The following MTUS2 variants were observed in gnomAD, a reference collection of about 807,000 sequenced individuals.
The protein encoded by MTUS2 is microtubule-associated tumor suppressor candidate 2.
MTUS2 carries 40 observed loss-of-function variants against 114.1 expected under a neutral mutation model. The observed-to-expected ratio is 0.35, with a 90% CI of 0.27 to 0.46. The LOEUF is 0.46. Among genes scored for constraint, MTUS2 ranks in the 20% least tolerant of loss-of-function variants. The pLI is 1.00. For missense variants in MTUS2, 1,679 were observed against 1,705.4 expected, an observed-to-expected ratio of 0.98 and a Z score of 0.27; for synonymous variants, 688 against 672.0, an observed-to-expected ratio of 1.02 and a Z score of -0.37.
intron 4 of MTUS2, among the ~76,000 whole-genome samples, chr13:29,044,723 AACTC>A (rs1225324939): frequency 2.0e-5 from 3 of 152,182 alleles, no homozygotes; most frequent in Admixed American, 1.3e-4. Context: ...TTTATTTACT[AACTC>A]ACAATTCTGT....
intron 2 of MTUS2, among the ~76,000 whole-genome samples, chr13:28,891,716 A>G (rs1878934413): frequency 1.3e-5 from 2 of 151,972 alleles, no homozygotes; most frequent in Admixed American, 6.6e-5. Flanking sequence ...CATCTGTACT[A>G]AAAATACAAA....
At chr13:29,293,802 A>G (rs1210973819) in intron 6 of MTUS2, among the ~76,000 whole-genome samples, 1 of 152,290 alleles carries the variant, frequency 6.6e-6, no homozygotes. Flanking sequence ...TGTCCATAAC[A>G]TGTCATTAAA....
At position 29,285,674 on chromosome 13, in the gene MTUS2, T is replaced by G. The variant is rs147140216; in HGVS notation, c.2806+3809T>G. Among the ~76,000 whole-genome samples the G allele has an allele frequency of 2.1e-4, 32 of 152,258 alleles. No homozygotes were observed. The East Asian group carries it at 6.0e-3, about 28-fold the overall frequency. On this transcript the variant is annotated intron_variant, in intron 6 of 15. Transcript: ENST00000612955. The stretch of plus-strand genomic sequence containing the variant: ...AAGCTCTATGGGACACACCCTCTGA[T>G]GTACTCGGCAAGAGCAACAACAACA...
intron 5 of MTUS2, among the ~76,000 whole-genome samples, chr13:29,126,450 A>T (rs760563626): frequency 2.0e-5 from 3 of 151,966 alleles, no homozygotes; most frequent in Non-Finnish European, 4.4e-5. Flanking sequence ...CTCTCGCTCT[A>T]CCTGTCTTTA....
chr13:29,188,598 A>G (rs940788004), intron 5 of MTUS2, among the ~76,000 whole-genome samples: 1 of 152,150 alleles, frequency 6.6e-6, no homozygotes, highest in African/African-American at 2.4e-5. Flanking sequence ...ATCTATAATC[A>G]TACATAAGGT....
At chr13:29,360,319 AT>A (rs1198830636) in intron 8 of MTUS2, among the ~76,000 whole-genome samples, 2 of 152,224 alleles carry the variant, frequency 1.3e-5, no homozygotes, top group Admixed American at 6.5e-5. Context: ...TATCTGGTCA[AT>A]TTGAAAAGAA....
intron 2 of MTUS2, among the ~76,000 whole-genome samples, chr13:28,949,456 A>G (rs1266213166): frequency 6.6e-6 from 1 of 152,216 alleles, no homozygotes; most frequent in Non-Finnish European, 1.5e-5. Flanking sequence ...TTTTGAAAAT[A>G]TTTTAATTGT....
chr13:29,011,645 A>G (rs1360928116), intron 2 of MTUS2, among the ~76,000 whole-genome samples: 1 of 152,092 alleles, frequency 6.6e-6, no homozygotes, highest in East Asian at 1.9e-4. Flanking sequence ...TTCCTTTTTA[A>G]TTTATTTTCA....
chr13:29,130,284 C>T (rs1891701499), intron 5 of MTUS2, among the ~76,000 whole-genome samples: 1 of 152,178 alleles, frequency 6.6e-6, no homozygotes, highest in South Asian at 2.1e-4. Context: ...ATACTGGACA[C>T]CACAGCCCCA....
intron 5 of MTUS2, among the ~76,000 whole-genome samples, chr13:29,241,311 G>A (rs1541133): frequency 0.85 from 129,210 of 152,208 alleles, 55,011 homozygotes; most frequent in African/African-American, 0.91. Flanking sequence ...TCAAATGCCT[G>A]TCACAATATA....
At chr13:28,893,997 G>T (rs1164638015) in intron 2 of MTUS2, among the ~76,000 whole-genome samples, 3 of 152,006 alleles carry the variant, frequency 2.0e-5, no homozygotes, top group Non-Finnish European at 4.4e-5. Flanking sequence ...GGCACATAGA[G>T]TGAGTTTGTT....
intron 2 of MTUS2, among the ~76,000 whole-genome samples, chr13:28,936,647 C>A (rs898317680): frequency 2.0e-5 from 3 of 152,122 alleles, no homozygotes; most frequent in Non-Finnish European, 4.4e-5. Flanking sequence ...TGTCTGGCAG[C>A]GTTGGAGGAG....
chr13:29,190,773 G>C (rs960033437), intron 5 of MTUS2, among the ~76,000 whole-genome samples: 1 of 152,176 alleles, frequency 6.6e-6, no homozygotes, highest in Non-Finnish European at 1.5e-5. Flanking sequence ...CAGGATGATG[G>C]TATTATGGTC....
At chr13:29,098,620 C>T (rs1211314009) in intron 4 of MTUS2, among the ~76,000 whole-genome samples, 2 of 152,158 alleles carry the variant, frequency 1.3e-5, no homozygotes, top group Non-Finnish European at 2.9e-5. Flanking sequence ...CTCCCCGTCT[C>T]TACATGTTCC....
intron 7 of MTUS2, among the ~76,000 whole-genome samples, chr13:29,332,138 C>T (rs2138062904): frequency 6.6e-6 from 1 of 152,306 alleles, no homozygotes; most frequent in Admixed American, 6.5e-5. Context: ...GGAATGGTAC[C>T]AGCTCCTCTT....
At chr13:28,830,169 T>C (rs1358841359) in intron 1 of MTUS2, among the ~76,000 whole-genome samples, 1 of 152,138 alleles carries the variant, frequency 6.6e-6, no homozygotes, top group Non-Finnish European at 1.5e-5. Flanking sequence ...GCAACAAATA[T>C]AACAACAAAC....
At chr13:29,323,451 C>G (rs1302045440) in intron 6 of MTUS2, among the ~76,000 whole-genome samples, 1 of 152,056 alleles carries the variant, frequency 6.6e-6, no homozygotes, top group Non-Finnish European at 1.5e-5. Flanking sequence ...GGGGTTTCAC[C>G]GTGTTAGCCA....
At chr13:29,099,184 G>A (rs927134671) in intron 4 of MTUS2, among the ~76,000 whole-genome samples, 1 of 152,158 alleles carries the variant, frequency 6.6e-6, no homozygotes, top group African/African-American at 2.4e-5. Flanking sequence ...GATACAAACG[G>A]GCCATTACCA....
At chr13:29,278,915 C>T (rs556422624) in intron 5 of MTUS2, among the ~76,000 whole-genome samples, 9 of 152,294 alleles carry the variant, frequency 5.9e-5, no homozygotes, top group African/African-American at 2.2e-4. Flanking sequence ...TCACGTCGAG[C>T]AGCCCATCTG....
Sources: gnomAD v4.1 joint callset for allele counts (sites outside exome capture counted in the v4.1 genomes callset) on GRCh38, gnomAD v4.1.1 for gene constraint, MANE v1.5 for transcripts, NCBI Gene and HGNC (gene_info 2026-07-23, HGNC 2026-07-21) for gene names.